The following RASEF variants were observed in gnomAD, a reference collection of about 807,000 sequenced individuals.
RASEF encodes the protein ras and EF-hand domain-containing protein.
A neutral mutation model predicts 90.1 loss-of-function variants in RASEF; 68 were observed. That is an observed-to-expected ratio of 0.75 (90% CI 0.62 to 0.92). The LOEUF (loss-of-function observed/expected upper bound fraction) is 0.92, where lower values mean the gene tolerates loss of function less well. RASEF is among the 40% of genes least tolerant of loss of function. RASEF has a pLI of 0.00. For synonymous variants in RASEF, 331 were observed against 345.2 expected, an observed-to-expected ratio of 0.96 and a Z score of 0.46; for missense variants, 949 against 937.2, an observed-to-expected ratio of 1.01 and a Z score of -0.16.
the RASEF span, among the ~76,000 whole-genome samples, chr9:83,199,080 A>G: frequency 6.6e-6 from 1 of 152,200 alleles, no homozygotes; most frequent in Admixed American, 6.5e-5. Context: ...GACCTTCCAC[A>G]AGAGAAAAAA....
At chr9:83,151,103 GT>G in the RASEF span, among the ~76,000 whole-genome samples, 824 of 134,072 alleles carry the variant, frequency 6.1e-3, 10 homozygotes, top group African/African-American at 0.022. Flanking sequence ...ATCAAAAGTT[GT>G]TTTTTTTTTT....
At chr9:83,016,597 C>T (rs1829346832) in intron 3 of RASEF, among the ~76,000 whole-genome samples, 1 of 152,042 alleles carries the variant, frequency 6.6e-6, no homozygotes, top group Non-Finnish European at 1.5e-5. Flanking sequence ...TCGCTTATCA[C>T]CTACCAATGG....
At chr9:83,158,987 C>G in the RASEF span, among the ~76,000 whole-genome samples, 1 of 151,374 alleles carries the variant, frequency 6.6e-6, no homozygotes, top group African/African-American at 2.4e-5. Flanking sequence ...GAGATCGAGA[C>G]CATCCTGGCT....
At chr9:83,046,025 GAA>G (rs796310857) in intron 1 of RASEF, among the ~76,000 whole-genome samples, 1 of 123,768 alleles carries the variant, frequency 8.1e-6, no homozygotes, top group South Asian at 2.6e-4. Context: ...TTCACCTTCG[GAA>G]AAAAAAAAAA....
the RASEF span, among the ~76,000 whole-genome samples, chr9:83,175,874 C>T: frequency 3.9e-5 from 6 of 152,258 alleles, no homozygotes; most frequent in South Asian, 8.3e-4. Flanking sequence ...CCACCACACC[C>T]GGCCTATTTC....
the RASEF span, among the ~76,000 whole-genome samples, chr9:83,073,655 T>C: frequency 1.3e-5 from 2 of 152,212 alleles, no homozygotes; most frequent in Non-Finnish European, 2.9e-5. Flanking sequence ...ATATTTGCTG[T>C]AGTGTACATA....
chr9:83,213,810 C>A, the RASEF span, among the ~76,000 whole-genome samples: 1 of 152,222 alleles, frequency 6.6e-6, no homozygotes, highest in Non-Finnish European at 1.5e-5. Flanking sequence ...CTAATTTGAT[C>A]TAAACAATCA....
At chr9:83,000,079 A>G in intron 12 of RASEF, 90 bp downstream of exon 12, 2 of 1,172,880 alleles carry the variant, frequency 1.7e-6, no homozygotes, top group Non-Finnish European at 2.4e-6. Flanking sequence ...AAAACTGTTA[A>G]CTGAGCATCT....
chr9:83,061,134 G>C (rs574204873), intron 1 of RASEF, among the ~76,000 whole-genome samples: 169 of 152,288 alleles, frequency 1.1e-3, no homozygotes, highest in African/African-American at 3.9e-3. Flanking sequence ...CTCAAATAAA[G>C]AGTATAGGTT....
At chr9:82,983,427 A>G (rs1477270582) in intron 16 of RASEF, among the ~76,000 whole-genome samples, 2 of 152,214 alleles carry the variant, frequency 1.3e-5, no homozygotes, top group Non-Finnish European at 2.9e-5. Context: ...TTACTCTCCA[A>G]GATCTTATGA....
chr9:83,171,800 G>A, the RASEF span, among the ~76,000 whole-genome samples: 7 of 151,434 alleles, frequency 4.6e-5, no homozygotes, highest in Non-Finnish European at 3.0e-5. Context: ...TTTAATTTGG[G>A]TCTTCTTTTT....
At chr9:83,052,193 A>G (rs1587524626) in intron 1 of RASEF, among the ~76,000 whole-genome samples, 1 of 132,578 alleles carries the variant, frequency 7.5e-6, no homozygotes, top group East Asian at 2.3e-4. Context: ...TTTGGTTGGT[A>G]AACTATTGAT....
chr9:83,074,625 TA>T, the RASEF span, among the ~76,000 whole-genome samples: 4 of 152,216 alleles, frequency 2.6e-5, 1 homozygote, highest in Non-Finnish European at 5.9e-5. Flanking sequence ...TCAGTGTCCA[TA>T]AAGCTTTACT....
At chr9:83,171,277 C>T in the RASEF span, among the ~76,000 whole-genome samples, 111 of 151,878 alleles carry the variant, frequency 7.3e-4, no homozygotes, top group African/African-American at 2.5e-3. Context: ...GGGATGAACC[C>T]CACTTGATAA....
At chr9:83,055,596 G>A (rs1830088656) in intron 1 of RASEF, 1 of 717,924 alleles carries the variant, frequency 1.4e-6, no homozygotes, top group Non-Finnish European at 2.6e-6. Context: ...GTGTTTCTCT[G>A]CCTTCCTTTT....
At chr9:83,104,934 T>C in the RASEF span, among the ~76,000 whole-genome samples, 376 of 152,294 alleles carry the variant, frequency 2.5e-3, 3 homozygotes, top group African/African-American at 8.8e-3. Context: ...CCATTTTACA[T>C]CCCTTCTACA....
chr9:83,031,567 T>C (rs1250120405), intron 1 of RASEF, among the ~76,000 whole-genome samples: 3 of 152,168 alleles, frequency 2.0e-5, no homozygotes, highest in Non-Finnish European at 4.4e-5. Context: ...GGCTCCAGAG[T>C]TGGGCTCTCT....
At chr9:83,218,521 G>A in the RASEF span, among the ~76,000 whole-genome samples, 19 of 152,080 alleles carry the variant, frequency 1.2e-4, no homozygotes, top group African/African-American at 3.9e-4. Flanking sequence ...CCCACAGACC[G>A]TGGGGGTAGG....
chr9:83,198,090 T>C, the RASEF span, among the ~76,000 whole-genome samples: 1 of 152,184 alleles, frequency 6.6e-6, no homozygotes. Context: ...AATAACTTAC[T>C]GGATGATTTT....
Sources: gnomAD v4.1 joint callset for allele counts (sites outside exome capture counted in the v4.1 genomes callset) on GRCh38, gnomAD v4.1.1 for gene constraint, MANE v1.5 for transcripts, NCBI Gene and HGNC (gene_info 2026-07-23, HGNC 2026-07-21) for gene names.